The following GRIN2B variants were observed in gnomAD, a reference collection of about 807,000 sequenced individuals.
The protein encoded by GRIN2B is glutamate ionotropic receptor NMDA type subunit 2B, also known as glutamate receptor ionotropic, NMDA 2B.
A neutral mutation model predicts 114.5 loss-of-function variants in GRIN2B; 5 were observed. The ratio of observed to expected loss-of-function variants is 0.04; its 90% CI spans 0.02 to 0.09. The LOEUF (loss-of-function observed/expected upper bound fraction) is 0.09. GRIN2B is among the 10% of genes least tolerant of loss of function. The pLI is 1.00. For synonymous variants in GRIN2B, 787 were observed against 745.1 expected (o/e 1.06, Z -0.92); for missense variants, 1,108 against 1,943.5 (o/e 0.57, Z 8.08).
At chr12:13,610,801 G>A (rs1210672131) in intron 9 of GRIN2B, among the ~76,000 whole-genome samples, 1 of 152,174 alleles carries the variant, frequency 6.6e-6, no homozygotes. Flanking sequence ...GAAACATACA[G>A]TGGTCTAAGC....
intron 3 of GRIN2B, among the ~76,000 whole-genome samples, chr12:13,820,245 C>T (rs1481254102): frequency 6.6e-6 from 1 of 152,138 alleles, no homozygotes; most frequent in East Asian, 1.9e-4. Flanking sequence ...TGGCCAAATA[C>T]CAATGCCATC....
chr12:13,903,989 G>C (rs1866499252), intron 2 of GRIN2B, among the ~76,000 whole-genome samples: 1 of 151,904 alleles, frequency 6.6e-6, no homozygotes, highest in African/African-American at 2.4e-5. Context: ...AGGTATATTA[G>C]TGTTATTTTG....
chr12:13,574,081 C>A (rs961317053), intron 10 of GRIN2B, among the ~76,000 whole-genome samples: 3 of 152,154 alleles, frequency 2.0e-5, no homozygotes, highest in Non-Finnish European at 4.4e-5. Context: ...GTTAACTAGC[C>A]CAAACCTTTC....
At chr12:13,831,117 C>T (rs769077672) in intron 3 of GRIN2B, among the ~76,000 whole-genome samples, 1 of 152,188 alleles carries the variant, frequency 6.6e-6, no homozygotes, top group Non-Finnish European at 1.5e-5. Context: ...TCTCCCACCT[C>T]GTGGTCTCTG....
intron 2 of GRIN2B, among the ~76,000 whole-genome samples, chr12:13,959,291 C>T (rs1040739772): frequency 4.6e-5 from 7 of 152,136 alleles, no homozygotes; most frequent in Non-Finnish European, 7.4e-5. Context: ...AATAGGTGAA[C>T]GCCCAGAGAC....
intron 3 of GRIN2B, among the ~76,000 whole-genome samples, chr12:13,808,235 A>C (rs913131679): frequency 2.0e-5 from 3 of 152,062 alleles, no homozygotes; most frequent in Admixed American, 2.0e-4. Flanking sequence ...TTTGCTTCCT[A>C]GCCCATGTTC....
At chr12:13,916,737 T>TTGTG (rs57501769) in intron 2 of GRIN2B, among the ~76,000 whole-genome samples, 170 of 139,938 alleles carry the variant, frequency 1.2e-3, no homozygotes, top group Admixed American at 3.5e-3. Context: ...ACACACACAT[T>TTGTG]TGTGTGTGTG....
intron 2 of GRIN2B, among the ~76,000 whole-genome samples, chr12:13,919,167 T>C (rs1866781918): frequency 6.6e-6 from 1 of 152,194 alleles, no homozygotes; most frequent in Non-Finnish European, 1.5e-5. Context: ...TTCCCACAAA[T>C]ATGCACACGG....
At chr12:13,691,797 C>T (rs1950217032) in intron 4 of GRIN2B, among the ~76,000 whole-genome samples, 1 of 152,080 alleles carries the variant, frequency 6.6e-6, no homozygotes, top group South Asian at 2.1e-4. Flanking sequence ...CCATGGCAAC[C>T]ACATTACATG....
At chr12:13,597,909 T>C (rs1390605018) in intron 10 of GRIN2B, among the ~76,000 whole-genome samples, 1 of 152,106 alleles carries the variant, frequency 6.6e-6, no homozygotes, top group Non-Finnish European at 1.5e-5. Context: ...CAGAGAGAAA[T>C]AGGCAGGTTT....
At chr12:13,758,619 G>A (rs1863621477) in intron 3 of GRIN2B, among the ~76,000 whole-genome samples, 1 of 152,194 alleles carries the variant, frequency 6.6e-6, no homozygotes, top group Non-Finnish European at 1.5e-5. Flanking sequence ...ACAAGAGCTG[G>A]ATTATTATCT....
chr12:13,668,251 G>C (rs1949995296), intron 5 of GRIN2B, among the ~76,000 whole-genome samples: 1 of 152,242 alleles, frequency 6.6e-6, no homozygotes, highest in African/African-American at 2.4e-5. Flanking sequence ...AGTCAACCAA[G>C]GTTATCTTGT....
chr12:13,902,726 A>C (rs7303885), intron 2 of GRIN2B, among the ~76,000 whole-genome samples: 3 of 151,942 alleles, frequency 2.0e-5, no homozygotes, highest in African/African-American at 7.3e-5. Flanking sequence ...CAGGAGAATC[A>C]CTTGAACCCG....
intron 3 of GRIN2B, among the ~76,000 whole-genome samples, chr12:13,864,287 T>C (rs1050390389): frequency 1.3e-5 from 2 of 152,146 alleles, no homozygotes; most frequent in African/African-American, 4.8e-5. Context: ...GCGGTAACGG[T>C]CATGCAAGGT....
At chr12:13,747,325 TG>T (rs1431972526) in intron 4 of GRIN2B, among the ~76,000 whole-genome samples, 2 of 152,202 alleles carry the variant, frequency 1.3e-5, no homozygotes, top group African/African-American at 4.8e-5. Flanking sequence ...ATGTCTGATA[TG>T]AGGAATGTGA....
Position 13,545,982 on chromosome 12 carries a change from AG to A in GRIN2B, c.*16800del, listed in dbSNP as rs1948336356. 1 of 152,232 alleles carries A rather than the reference AG, an allele frequency of 6.6e-6. No homozygotes were observed. Among genetic ancestry groups the A allele is most frequent in the African/African-American group, 2.4e-5 (1 of 41,460 alleles). The allele number at this position is 152,232 out of a possible 1,614,324, so 9.4% of individuals were successfully genotyped here. A position where few individuals can be genotyped will look rare whatever the true frequency, so the allele number is the denominator to read the frequency against. ...AAAATGCCTATTTGTAATCGAATCTAGCAATTTTCTTTCTGAAGTAAACAGT... is the reference window on the plus strand; with the variant it reads ...AAAATGCCTATTTGTAATCGAATCTACAATTTTCTTTCTGAAGTAAACAGT... On this transcript the variant is annotated 3_prime_UTR_variant, in exon 14 of 14. Transcript: ENST00000609686.
At chr12:13,969,384 T>C (rs1222123669) in intron 2 of GRIN2B, among the ~76,000 whole-genome samples, 1 of 152,228 alleles carries the variant, frequency 6.6e-6, no homozygotes, top group African/African-American at 2.4e-5. Flanking sequence ...AAGATGTAAG[T>C]TGGAACCCTA....
chr12:13,873,744 C>T (rs1029972294), intron 2 of GRIN2B, among the ~76,000 whole-genome samples: 1 of 152,100 alleles, frequency 6.6e-6, no homozygotes, highest in Non-Finnish European at 1.5e-5. Context: ...TAGATACATG[C>T]CCAATTCATT....
At chr12:13,609,601 G>C (rs975078962) in intron 9 of GRIN2B, among the ~76,000 whole-genome samples, 2 of 152,168 alleles carry the variant, frequency 1.3e-5, no homozygotes, top group Admixed American at 1.3e-4. Context: ...GTGAAACCCC[G>C]TCTCTACTAA....
Sources: gnomAD v4.1 joint callset for allele counts (sites outside exome capture counted in the v4.1 genomes callset) on GRCh38, gnomAD v4.1.1 for gene constraint, MANE v1.5 for transcripts, NCBI Gene and HGNC (gene_info 2026-07-23, HGNC 2026-07-21) for gene names.